Variants in DCBLD1 observed in about 807,000 individuals in gnomAD.
The protein encoded by DCBLD1 is discoidin, CUB and LCCL domain containing 1, also known as discoidin, CUB and LCCL domain-containing protein 1.
In DCBLD1, 57 loss-of-function variants were observed where a neutral mutation model predicts 71.5. That is an observed-to-expected ratio of 0.80 (90% CI 0.64 to 0.99). The LOEUF (loss-of-function observed/expected upper bound fraction) is 0.99. Among genes scored for constraint, DCBLD1 ranks in the 50% least tolerant of loss-of-function variants. DCBLD1 has a pLI of 0.00. For synonymous variants in DCBLD1, 380 were observed against 363.8 expected (o/e 1.04, Z -0.51); for missense variants, 891 against 923.5 (o/e 0.96, Z 0.46).
At chr6:117,519,007 A>G (rs577098535) in intron 2 of DCBLD1, among the ~76,000 whole-genome samples, 1 of 152,296 alleles carries the variant, frequency 6.6e-6, no homozygotes, top group South Asian at 2.1e-4. Context: ...GTTAATAAAT[A>G]ATACCTCTCT....
chr6:117,486,907 G>T (rs897718104), intron 1 of DCBLD1, among the ~76,000 whole-genome samples: 7 of 152,124 alleles, frequency 4.6e-5, no homozygotes, highest in African/African-American at 1.7e-4. Flanking sequence ...TGTCAGATCA[G>T]CCGGGCATTA....
chr6:117,538,059 T>C (rs1778959844), intron 7 of DCBLD1, among the ~76,000 whole-genome samples: 1 of 152,222 alleles, frequency 6.6e-6, no homozygotes, highest in African/African-American at 2.4e-5. Context: ...TATTCTCCCT[T>C]AGCATAAACC....
intron 1 of DCBLD1, among the ~76,000 whole-genome samples, chr6:117,490,511 CT>C (rs1443937566): frequency 6.6e-6 from 1 of 152,186 alleles, no homozygotes; most frequent in East Asian, 1.9e-4. Context: ...AAATTACTCT[CT>C]CTTACTAATG....
chr6:117,544,635 C>A, intron 13 of DCBLD1, 58 bp downstream of exon 13: 1 of 1,594,298 alleles, frequency 6.3e-7, no homozygotes, highest in South Asian at 1.1e-5. Flanking sequence ...ACAGGATCTG[C>A]TGATTGAAAG....
At chr6:117,520,143 T>G (rs574549544) in intron 3 of DCBLD1, among the ~76,000 whole-genome samples, 193 bp downstream of exon 3, 53 of 152,314 alleles carry the variant, frequency 3.5e-4, no homozygotes, top group African/African-American at 1.2e-3. Flanking sequence ...GTGTCCAATC[T>G]TTTGGCTTCC....
At chr6:117,500,396 G>A (rs914254441) in intron 1 of DCBLD1, among the ~76,000 whole-genome samples, 1 of 152,202 alleles carries the variant, frequency 6.6e-6, no homozygotes, top group Non-Finnish European at 1.5e-5. Context: ...TGTTCTGATA[G>A]TTAATGGAAG....
exon 15 of DCBLD1, chr6:117,569,668 G>A (rs149907550): frequency 7.9e-5 from 128 of 1,611,072 alleles, no homozygotes; most frequent in Admixed American, 5.2e-4. Context: ...GCAGCCCTCC[G>A]CATCTATCAG....
intron 14 of DCBLD1, chr6:117,566,911 C>A: frequency 6.2e-7 from 1 of 1,607,706 alleles, no homozygotes; most frequent in Non-Finnish European, 8.5e-7. Flanking sequence ...GGGTTACCAC[C>A]TCCTTCTAAC....
chr6:117,511,502 A>G (rs1219998176), intron 2 of DCBLD1, among the ~76,000 whole-genome samples: 1 of 152,210 alleles, frequency 6.6e-6, no homozygotes, highest in Non-Finnish European at 1.5e-5. Context: ...AAGCATTGTC[A>G]GTGACTTAGA....
At chr6:117,500,777 C>T (rs11153663) in intron 1 of DCBLD1, among the ~76,000 whole-genome samples, 44,846 of 151,932 alleles carry the variant, frequency 0.3, 7,784 homozygotes, top group African/African-American at 0.49. Flanking sequence ...GCAGGAGAAT[C>T]GCTTGAACCC....
intron 11 of DCBLD1, 67 bp downstream of exon 11, chr6:117,541,092 TCAA>T (rs972396651): frequency 1.3e-6 from 2 of 1,491,200 alleles, no homozygotes; most frequent in African/African-American, 2.8e-5. Context: ...ATCAGTAACT[TCAA>T]CAAAATTTCT....
intron 7 of DCBLD1, among the ~76,000 whole-genome samples, chr6:117,538,183 C>G (rs958110385): frequency 6.6e-6 from 1 of 152,160 alleles, no homozygotes; most frequent in Non-Finnish European, 1.5e-5. Context: ...GTACAACTTA[C>G]TGATGTTCAG....
chr6:117,496,969 T>C (rs1166769871), intron 1 of DCBLD1, among the ~76,000 whole-genome samples: 1 of 152,170 alleles, frequency 6.6e-6, no homozygotes, highest in Non-Finnish European at 1.5e-5. Flanking sequence ...TAGGCCATAA[T>C]AATAATTTTA....
intron 1 of DCBLD1, among the ~76,000 whole-genome samples, chr6:117,496,469 A>C (rs1469803594): frequency 6.6e-6 from 1 of 152,220 alleles, no homozygotes; most frequent in Non-Finnish European, 1.5e-5. Flanking sequence ...AATGGAATTA[A>C]TGATATCTTG....
At chr6:117,498,819 A>C (rs1345792756) in intron 1 of DCBLD1, among the ~76,000 whole-genome samples, 1 of 152,102 alleles carries the variant, frequency 6.6e-6, no homozygotes, top group Admixed American at 6.5e-5. Flanking sequence ...TCCCTCAAAA[A>C]AATGGCATTT....
At chr6:117,501,458 C>G (rs935281548) in intron 1 of DCBLD1, among the ~76,000 whole-genome samples, 5 of 152,104 alleles carry the variant, frequency 3.3e-5, no homozygotes, top group Non-Finnish European at 7.3e-5. Flanking sequence ...CTCAGCTTCC[C>G]GAGTAGCTGA....
chr6:117,542,073 G>A (rs1779114554), intron 11 of DCBLD1, among the ~76,000 whole-genome samples: 1 of 152,004 alleles, frequency 6.6e-6, no homozygotes. Flanking sequence ...CGGGCGGATT[G>A]CCTGAGCTCA....
Position 117,548,061 on chromosome 6 carries a change from G to C in DCBLD1, c.1770G>C (p.Ala590=). The C allele has an allele frequency of 6.5e-7, 1 of 1,548,802 alleles. No homozygotes were observed. Among genetic ancestry groups the C allele is most frequent in the Non-Finnish European group, 8.7e-7 (1 of 1,145,962 alleles). The change falls in exon 15 of 15, where the codon GCG becomes GCC. Residue 590 remains alanine (A), a synonymous_variant. Transcript: ENST00000338728. ...CPQRAGRHEY[A]LPLAPPEPEY... ...AGCGGGCCGGCCGCCACGAGTACGC[G>C]CTGCCCCTGGCGCCCCCGGAGCCCG...
chr6:117,510,969 C>T (rs1446617084), intron 2 of DCBLD1, among the ~76,000 whole-genome samples: 1 of 152,116 alleles, frequency 6.6e-6, no homozygotes, highest in African/African-American at 2.4e-5. Context: ...GTCCTGTTAC[C>T]AACCTTTACA....
Sources: allele counts gnomAD v4.1 joint callset (sites outside exome capture counted in the v4.1 genomes callset), GRCh38; gene constraint gnomAD v4.1.1; transcripts MANE v1.5; gene names NCBI Gene and HGNC (gene_info 2026-07-23, HGNC 2026-07-21).